Variants in MTUS1 observed in about 807,000 individuals in gnomAD.
The protein encoded by MTUS1 is microtubule-associated tumor suppressor 1.
In MTUS1, 109 loss-of-function variants were observed where a neutral mutation model predicts 120.8. The observed-to-expected ratio is 0.90, with a 90% CI of 0.77 to 1.06. The LOEUF (loss-of-function observed/expected upper bound fraction) is 1.06, where lower values mean the gene tolerates loss of function less well. Among genes scored for constraint, MTUS1 ranks in the 50% least tolerant of loss-of-function variants. The pLI, the probability that MTUS1 is intolerant of heterozygous loss-of-function variation, is 0.00. For synonymous variants in MTUS1, 737 were observed against 550.5 expected, an observed-to-expected ratio of 1.34 and a Z score of -4.74; for missense variants, 2,210 against 1,486.3, an observed-to-expected ratio of 1.49 and a Z score of -8.01.
At chr8:17,702,500 C>T (rs1819295066) in intron 6 of MTUS1, among the ~76,000 whole-genome samples, 2 of 152,076 alleles carry the variant, frequency 1.3e-5, no homozygotes, top group Non-Finnish European at 2.9e-5. Context: ...ATCTCGAAAA[C>T]CTTTTCGCCC....
chr8:17,666,087 ATGCTT>A (rs1380855061), intron 8 of MTUS1, among the ~76,000 whole-genome samples: 1 of 120,586 alleles, frequency 8.3e-6, no homozygotes. Context: ...TGCAGAACAG[ATGCTT>A]TTTTTTTTTT....
chr8:17,703,432 G>C (rs548509293), intron 6 of MTUS1, among the ~76,000 whole-genome samples: 1 of 152,138 alleles, frequency 6.6e-6, no homozygotes, highest in African/African-American at 2.4e-5. Flanking sequence ...AGGAGATCGA[G>C]ACCATCCTGG....
chr8:17,783,362 G>A (rs979630625), intron 1 of MTUS1, among the ~76,000 whole-genome samples: 1 of 152,100 alleles, frequency 6.6e-6, no homozygotes, highest in African/African-American at 2.4e-5. Context: ...AACACAACAT[G>A]GACCAGCCAA....
chr8:17,675,615 A>G (rs116148505), intron 7 of MTUS1, among the ~76,000 whole-genome samples: 3 of 152,194 alleles, frequency 2.0e-5, no homozygotes, highest in Non-Finnish European at 4.4e-5. Context: ...ATAAACATCT[A>G]ATCAGTTTAA....
intron 1 of MTUS1, among the ~76,000 whole-genome samples, chr8:17,775,384 C>T (rs2050341277): frequency 6.6e-6 from 1 of 152,116 alleles, no homozygotes; most frequent in African/African-American, 2.4e-5. Flanking sequence ...GTACCACCTC[C>T]GGGATCCTGA....
At chr8:17,691,075 C>G (rs1229803903) in intron 6 of MTUS1, among the ~76,000 whole-genome samples, 1 of 152,200 alleles carries the variant, frequency 6.6e-6, no homozygotes, top group Non-Finnish European at 1.5e-5. Context: ...TACTTATATA[C>G]AGCTTGCCAT....
chr8:17,797,034 C>T (rs1023440954), intron 1 of MTUS1, among the ~76,000 whole-genome samples: 1 of 151,814 alleles, frequency 6.6e-6, no homozygotes, highest in Non-Finnish European at 1.5e-5. Flanking sequence ...ATCACTTGAA[C>T]CTGAGAGGTG....
chr8:17,787,705 T>G (rs2051422712), intron 1 of MTUS1, among the ~76,000 whole-genome samples: 1 of 152,230 alleles, frequency 6.6e-6, no homozygotes, highest in Non-Finnish European at 1.5e-5. Context: ...AATAAAATTT[T>G]TGGAAACTTT....
rs191339659 is a variant in MTUS1, at chr8:17,711,269, T to C, written c.2623+1945A>G. The stretch of plus-strand genomic sequence containing the variant: ...TCCTAAACAGCATCTTCTTTCAATA[T>C]GAGGCTGTTTCACCTACACTGAATG... On this transcript the variant is annotated intron_variant, in intron 6 of 14. Coordinates refer to ENST00000693296, the MANE Select transcript of MTUS1 (RefSeq NM_001363059.2). Among the ~76,000 whole-genome samples, 727 of 152,354 alleles carry C rather than the reference T, an allele frequency of 4.8e-3. 7 individuals carry two copies. Among genetic ancestry groups the C allele is most frequent in the African/African-American group, 0.017 (691 of 41,584 alleles).
intron 6 of MTUS1, among the ~76,000 whole-genome samples, chr8:17,696,631 A>T (rs920427625): frequency 2.6e-5 from 4 of 152,200 alleles, no homozygotes; most frequent in Admixed American, 1.3e-4. Flanking sequence ...TACTAAATTT[A>T]TTTTCATCTT....
intron 8 of MTUS1, among the ~76,000 whole-genome samples, chr8:17,656,526 T>C (rs1436392632): frequency 7.0e-6 from 1 of 143,316 alleles, no homozygotes; most frequent in African/African-American, 2.6e-5. Context: ...AGACTCCATC[T>C]CAAAAACAAA....
At chr8:17,799,695 A>G (rs1342445081) in intron 1 of MTUS1, among the ~76,000 whole-genome samples, 2 of 152,192 alleles carry the variant, frequency 1.3e-5, no homozygotes, top group East Asian at 1.9e-4. Flanking sequence ...ACTTATTGAC[A>G]TAATTAAAAG....
At chr8:17,728,146 G>A (rs2131151216) in intron 3 of MTUS1, among the ~76,000 whole-genome samples, 1 of 152,298 alleles carries the variant, frequency 6.6e-6, no homozygotes, top group South Asian at 2.1e-4. Context: ...GGGCTGGTGG[G>A]GAAGGGAAAT....
chr8:17,682,143 T>C (rs1277927170), intron 7 of MTUS1, among the ~76,000 whole-genome samples: 1 of 152,074 alleles, frequency 6.6e-6, no homozygotes, highest in East Asian at 1.9e-4. Flanking sequence ...GTGGGATGCT[T>C]TGGTAAGAGG....
intron 8 of MTUS1, among the ~76,000 whole-genome samples, chr8:17,656,726 C>A (rs908998711): frequency 6.6e-6 from 1 of 151,952 alleles, no homozygotes; most frequent in Non-Finnish European, 1.5e-5. Context: ...CCTCTCCCAG[C>A]CAGCCAGTGT....
rs192887928 is a variant in MTUS1, at chr8:17,695,106, G to A, written c.2624-10564C>T. Among the ~76,000 whole-genome samples the A allele has an allele frequency of 7.1e-4, 108 of 152,262 alleles. 2 individuals are homozygous for A. The highest frequency in any genetic ancestry group is 3.4e-3 in the Middle Eastern group (1 of 294). On this transcript the variant is annotated intron_variant, in intron 6 of 14. Transcript: ENST00000693296. ...AGTCCATTCAGATAAGAGTCACCAT[G>A]ACGGCATGAATTACCCACTTGACGG...
chr8:17,762,499 C>T (rs2049120724), intron 1 of MTUS1, among the ~76,000 whole-genome samples: 1 of 152,110 alleles, frequency 6.6e-6, no homozygotes. Context: ...ACTTAATAGC[C>T]ACCTCAAGCA....
At chr8:17,801,181 C>G (rs546732833), upstream of MTUS1, among the ~76,000 whole-genome samples, 12 of 151,814 alleles carry the variant, frequency 7.9e-5, no homozygotes, top group Admixed American at 6.5e-4. Context: ...GGCGTCTGCA[C>G]CTGGGGGCGC....
intron 8 of MTUS1, among the ~76,000 whole-genome samples, chr8:17,673,566 C>T (rs928499466): frequency 1.3e-5 from 2 of 152,162 alleles, no homozygotes; most frequent in Non-Finnish European, 2.9e-5. Flanking sequence ...ATCTTCCCAC[C>T]TCACACTCCA....
Sources: allele counts gnomAD v4.1 joint callset (sites outside exome capture counted in the v4.1 genomes callset), GRCh38; gene constraint gnomAD v4.1.1; transcripts MANE v1.5; gene names NCBI Gene and HGNC (gene_info 2026-07-23, HGNC 2026-07-21).